Variants in NTN1 observed in about 807,000 individuals in gnomAD.
NTN1 encodes the protein netrin 1.
A neutral mutation model predicts 54.2 loss-of-function variants in NTN1; 11 were observed. The ratio of observed to expected loss-of-function variants is 0.20; its 90% CI spans 0.13 to 0.34. The LOEUF is 0.34. Ranked by LOEUF, NTN1 falls within the 10% of genes least tolerant of loss-of-function variation. The probability of loss-of-function intolerance (pLI) is 1.00; values close to 1 mark genes in which losing one functional copy is unlikely to be tolerated. For synonymous variants in NTN1, 371 were observed against 382.0 expected, an observed-to-expected ratio of 0.97 and a Z score of 0.33; for missense variants, 740 against 893.1, an observed-to-expected ratio of 0.83 and a Z score of 2.18.
At chr17:9,086,303 G>A (rs888162990) in intron 2 of NTN1, among the ~76,000 whole-genome samples, 3 of 152,132 alleles carry the variant, frequency 2.0e-5, no homozygotes, top group Admixed American at 1.3e-4. Flanking sequence ...AGGAGTTCGA[G>A]TCCAGCAGTT....
rs539839648 is a variant in NTN1 at position 9,225,162 on chromosome 17, G to A, written c.1486+3920G>A. On this transcript the variant is annotated intron_variant, in intron 6 of 6. Coordinates refer to ENST00000173229, the MANE Select transcript of NTN1 (RefSeq NM_004822.3). ...CTGTAATCCCAGGGAGGCTGAGGCA[G>A]GAGAATTGTTTGAACCTGGAAGGTG... is the stretch of plus-strand genomic sequence containing the variant. Among the ~76,000 whole-genome samples the A allele has an allele frequency of 2.6e-5, 4 of 152,206 alleles. No homozygotes were observed. The East Asian group carries it at 5.8e-4, about 22-fold the overall frequency.
At chr17:9,170,765 G>A (rs1372373502) in intron 3 of NTN1, among the ~76,000 whole-genome samples, 2 of 152,044 alleles carry the variant, frequency 1.3e-5, no homozygotes, top group Admixed American at 1.3e-4. Context: ...GCCTGAGCTG[G>A]CCTGAGCTGC....
At chr17:9,018,894 A>T (rs925144095), upstream of NTN1, among the ~76,000 whole-genome samples, 1 of 152,170 alleles carries the variant, frequency 6.6e-6, no homozygotes, top group Non-Finnish European at 1.5e-5. Flanking sequence ...GTTGTCAGGG[A>T]CGTTTGCTCA....
At chr17:9,125,389 G>A (rs912549572) in intron 2 of NTN1, among the ~76,000 whole-genome samples, 12 of 152,068 alleles carry the variant, frequency 7.9e-5, no homozygotes, top group African/African-American at 2.9e-4. Context: ...ACCATGCCCA[G>A]GTAATTTTTT....
At chr17:9,125,155 G>A (rs1048970494) in intron 2 of NTN1, among the ~76,000 whole-genome samples, 5 of 151,988 alleles carry the variant, frequency 3.3e-5, no homozygotes, top group Non-Finnish European at 7.4e-5. Flanking sequence ...TCAACCAGGT[G>A]GGCTCAAGCA....
chr17:9,009,003 T>C, the NTN1 span, among the ~76,000 whole-genome samples: 30 of 152,190 alleles, frequency 2.0e-4, no homozygotes, highest in East Asian at 5.6e-3. Flanking sequence ...ATCGCACCAT[T>C]GCACTCCAGC....
intron 2 of NTN1, among the ~76,000 whole-genome samples, chr17:9,148,214 C>G (rs543211442): frequency 6.6e-6 from 1 of 152,296 alleles, no homozygotes; most frequent in East Asian, 1.9e-4. Flanking sequence ...TCACAAATCT[C>G]CACGTGCTCC....
intron 2 of NTN1, among the ~76,000 whole-genome samples, chr17:9,088,632 C>T (rs77617883): frequency 0.026 from 3,929 of 152,238 alleles, 62 homozygotes; most frequent in Middle Eastern, 0.058. Context: ...AGGGCAGACC[C>T]GGAAGCCTGG....
At chr17:9,186,050 C>T (rs745308351) in intron 5 of NTN1, among the ~76,000 whole-genome samples, 3 of 152,160 alleles carry the variant, frequency 2.0e-5, no homozygotes, top group African/African-American at 7.2e-5. Context: ...TGCTTGTTCT[C>T]GGTCCGCCCC....
chr17:9,109,428 A>G (rs1401849448), intron 2 of NTN1, among the ~76,000 whole-genome samples: 1 of 152,194 alleles, frequency 6.6e-6, no homozygotes, highest in Non-Finnish European at 1.5e-5. Context: ...TTACTGTGCT[A>G]TTAGATAGAT....
intron 2 of NTN1, among the ~76,000 whole-genome samples, chr17:9,106,957 A>T (rs2092169526): frequency 6.6e-6 from 1 of 152,192 alleles, no homozygotes; most frequent in South Asian, 2.1e-4. Context: ...TTGTCACACC[A>T]ACCACATACT....
At chr17:9,027,771 T>C (rs1457733756) in intron 2 of NTN1, among the ~76,000 whole-genome samples, 2 of 152,126 alleles carry the variant, frequency 1.3e-5, no homozygotes, top group East Asian at 3.8e-4. Flanking sequence ...GGACTATGAA[T>C]TAAGGGGGTT....
At chr17:9,057,255 C>A (rs2091982416) in intron 2 of NTN1, among the ~76,000 whole-genome samples, 1 of 151,780 alleles carries the variant, frequency 6.6e-6, no homozygotes, top group South Asian at 2.1e-4. Flanking sequence ...AGGCCTGGGA[C>A]CAACATGTAC....
rs528112413 is a variant in NTN1, at chr17:9,031,894, G to A, written c.1018+8503G>A. 2.0e-5 allele frequency among the ~76,000 whole-genome samples: 3 copies of A among 152,222 alleles called. No individual in the cohort carries two copies. The East Asian group carries it at 5.8e-4, about 29-fold the overall frequency. On this transcript the variant is annotated intron_variant, in intron 2 of 6. Transcript: ENST00000173229. The stretch of plus-strand genomic sequence containing the variant: ...GAGAATCTCTTGAACCCGGGAGGCC[G>A]AGATTGCAATGAGTCGAGATCGTGC...
intron 2 of NTN1, among the ~76,000 whole-genome samples, chr17:9,027,785 A>G (rs1013080141): frequency 3.3e-5 from 5 of 152,050 alleles, no homozygotes; most frequent in Non-Finnish European, 7.4e-5. Flanking sequence ...GGGGGTTTAG[A>G]TACTTTCCTG....
At chr17:9,208,946 G>A (rs1025839036) in intron 5 of NTN1, among the ~76,000 whole-genome samples, 33 of 152,310 alleles carry the variant, frequency 2.2e-4, no homozygotes, top group African/African-American at 5.3e-4. Flanking sequence ...TCTCCTCCTG[G>A]CCTCAAGAGG....
intron 3 of NTN1, among the ~76,000 whole-genome samples, chr17:9,168,495 G>C (rs951576974): frequency 6.6e-6 from 1 of 151,566 alleles, no homozygotes; most frequent in Non-Finnish European, 1.5e-5. Context: ...TTGCGCCATT[G>C]CACTCCAGCC....
chr17:9,022,973 G>T lies in NTN1; in HGVS notation c.600G>T (p.Glu200Asp), dbSNP rs760951671. 6.2e-7 allele frequency: 1 copy of T among 1,611,006 alleles called. No homozygotes were observed. Among genetic ancestry groups the T allele is most frequent in the African/African-American group, 1.3e-5 (1 of 74,958 alleles). ...CCATCACCAAGCAGAACGAGCAGGA[G>T]GCCGTGTGCACCGACTCGCACACCG... is the stretch of plus-strand genomic sequence containing the variant. The part of the protein sequence containing the change: ...RAPITKQNEQ[E>D]AVCTDSHTDM... Residue 200 changes from glutamate (E) to aspartate (D), a missense_variant, in exon 2 of 7, where the codon GAG becomes GAT. Glu to Asp is a conservative substitution (Grantham distance 45). Transcript: ENST00000173229.
chr17:9,195,566 TAGGCTG>T (rs1157581958), intron 5 of NTN1, among the ~76,000 whole-genome samples: 1 of 152,046 alleles, frequency 6.6e-6, no homozygotes, highest in African/African-American at 2.4e-5. Context: ...GCTGTGGAGC[TAGGCTG>T]AGGCAGGGGT....
Sources: allele counts gnomAD v4.1 joint callset (sites outside exome capture counted in the v4.1 genomes callset), GRCh38; gene constraint gnomAD v4.1.1; transcripts MANE v1.5; gene names NCBI Gene and HGNC (gene_info 2026-07-23, HGNC 2026-07-21).